ARHGAP10: variants seen among roughly 807,000 people sequenced by gnomAD.
The protein encoded by ARHGAP10 is rho GTPase-activating protein 10.
In ARHGAP10, 87 loss-of-function variants were observed where a neutral mutation model predicts 108.6. That is an observed-to-expected ratio of 0.80 (90% CI 0.67 to 0.96). ARHGAP10 has a LOEUF of 0.96. Among genes scored for constraint, ARHGAP10 ranks in the 40% least tolerant of loss-of-function variants. The probability of loss-of-function intolerance (pLI) is 0.00; values close to 1 mark genes in which losing one functional copy is unlikely to be tolerated. For missense variants in ARHGAP10, 939 were observed against 954.5 expected, an observed-to-expected ratio of 0.98 and a Z score of 0.21; for synonymous variants, 347 against 341.1, an observed-to-expected ratio of 1.02 and a Z score of -0.19.
At chr4:147,946,083 A>T (rs1162928572) in intron 14 of ARHGAP10, among the ~76,000 whole-genome samples, 2 of 152,104 alleles carry the variant, frequency 1.3e-5, no homozygotes, top group Non-Finnish European at 2.9e-5. Flanking sequence ...AAAAGACCGA[A>T]ATTTTTACCG....
chr4:147,918,133 A>ATTTTTTTTTTTTT (rs760617123), intron 13 of ARHGAP10, among the ~76,000 whole-genome samples: 1 of 129,998 alleles, frequency 7.7e-6, no homozygotes, highest in African/African-American at 3.2e-5. Context: ...TCTCATTAAG[A>ATTTTTTTTTTTTT]TTTTTTTTTT....
intron 18 of ARHGAP10, among the ~76,000 whole-genome samples, chr4:148,000,583 A>G (rs141746220): frequency 3.9e-5 from 6 of 152,270 alleles, no homozygotes; most frequent in African/African-American, 1.4e-4. Flanking sequence ...TCTCTGCAGC[A>G]CCTGTTGTTT....
At chr4:148,010,760 C>G (rs562923543) in intron 18 of ARHGAP10, among the ~76,000 whole-genome samples, 13 of 152,250 alleles carry the variant, frequency 8.5e-5, no homozygotes, top group African/African-American at 3.1e-4. Context: ...GAATTGAAGA[C>G]TATTGGGCTG....
At chr4:147,950,591 C>T (rs1738561864) in intron 15 of ARHGAP10, among the ~76,000 whole-genome samples, 1 of 152,136 alleles carries the variant, frequency 6.6e-6, no homozygotes, top group South Asian at 2.1e-4. Context: ...CAGCCAAAGC[C>T]CCAAAGCACC....
At chr4:147,772,329 A>T (rs1182953216) in intron 1 of ARHGAP10, among the ~76,000 whole-genome samples, 1 of 152,188 alleles carries the variant, frequency 6.6e-6, no homozygotes, top group Non-Finnish European at 1.5e-5. Flanking sequence ...TTGACACTTT[A>T]CATCACACAG....
intron 1 of ARHGAP10, among the ~76,000 whole-genome samples, chr4:147,811,913 AG>A (rs1732036150): frequency 6.6e-6 from 1 of 152,204 alleles, no homozygotes; most frequent in Non-Finnish European, 1.5e-5. Context: ...TTAAAAGTCA[AG>A]GGAGGGTGTA....
rs901492827 is a variant in ARHGAP10, at chr4:147,875,050, A to G, written c.732A>G (p.Ser244=). The G allele has an allele frequency of 1.9e-6, 3 of 1,605,562 alleles. No individual in the cohort carries two copies. Among genetic ancestry groups the G allele is most frequent in the Non-Finnish European group, 2.5e-6 (3 of 1,178,040 alleles). ...NTRNRFEGTR[S]EVEELMNKIR... The stretch of plus-strand genomic sequence containing the variant: ...GGAATCGATTTGAAGGAACAAGGTC[A>G]GAAGTGGAAGAGCTCATGAACAAAA... The change falls in exon 8 of 23, where the codon TCA becomes TCG. Residue 244 remains serine (S), a synonymous_variant. Coordinates refer to ENST00000336498, the MANE Select transcript of ARHGAP10 (RefSeq NM_024605.4).
In ARHGAP10 at chr4:147,892,566, C is replaced by G. The variant is rs553671569; in HGVS notation, c.1034+10634C>G. ...GGTCTAAGGTGCTGTGGGAGTTGAG[C>G]AGCATGGGGGAGTGTGGGGTTGGCT... On this transcript the variant is annotated intron_variant, in intron 10 of 22. Transcript: ENST00000336498. 3.3e-5 allele frequency among the ~76,000 whole-genome samples: 5 copies of G among 150,984 alleles called. No homozygotes were observed. In the East Asian group the frequency reaches 9.7e-4, roughly 29 times the overall value.
chr4:147,752,864 AT>A (rs1729218921), intron 1 of ARHGAP10, among the ~76,000 whole-genome samples: 1 of 152,132 alleles, frequency 6.6e-6, no homozygotes, highest in Non-Finnish European at 1.5e-5. Context: ...CTTTGATTAA[AT>A]TTGCTGCTTA....
At chr4:147,770,456 C>T (rs976190923) in intron 1 of ARHGAP10, among the ~76,000 whole-genome samples, 26 of 152,130 alleles carry the variant, frequency 1.7e-4, no homozygotes, top group Admixed American at 1.3e-3. Context: ...ACCCGGGAGG[C>T]GGAGATTGCA....
chr4:147,866,859 G>T, intron 7 of ARHGAP10, 43 bp downstream of exon 7: 2 of 1,478,596 alleles, frequency 1.4e-6, no homozygotes, highest in Non-Finnish European at 1.9e-6. Context: ...TGTTTGAAAA[G>T]TATTTTTCAT....
chr4:147,804,008 T>C (rs964423358), intron 1 of ARHGAP10, among the ~76,000 whole-genome samples: 13 of 152,004 alleles, frequency 8.6e-5, no homozygotes, highest in Non-Finnish European at 1.6e-4. Context: ...TTTTTTTTTT[T>C]TTCTTTCAGG....
intron 7 of ARHGAP10, among the ~76,000 whole-genome samples, chr4:147,870,353 G>A (rs1734765858): frequency 1.3e-5 from 2 of 152,178 alleles, no homozygotes; most frequent in African/African-American, 2.4e-5. Context: ...GAGCCACCGC[G>A]CCCGGCCGCA....
rs33957234 is a variant in ARHGAP10, at chr4:147,951,403, A to AT, written c.1392-3898dup. ...CCTTATTTAGGCTGTGGTATAGTTG[A>AT]TTTTTTTTTTTTTTTCATTTTCTTT... On this transcript the variant is annotated intron_variant, in intron 15 of 22. Coordinates refer to ENST00000336498, the MANE Select transcript of ARHGAP10 (RefSeq NM_024605.4). 3.1e-3 allele frequency among the ~76,000 whole-genome samples: 413 copies of AT among 133,788 alleles called. 2 individuals are homozygous for AT. Among genetic ancestry groups the AT allele is most frequent in the African/African-American group, 9.6e-3 (344 of 35,842 alleles). 87.8% of individuals were successfully genotyped at this position (133,788 alleles called of 152,430 possible).
chr4:147,995,780 G>A (rs973372516), intron 18 of ARHGAP10, among the ~76,000 whole-genome samples: 8 of 151,820 alleles, frequency 5.3e-5, no homozygotes, highest in African/African-American at 9.7e-5. Context: ...GCAGTGGCGC[G>A]ATCTCTGCTC....
intron 18 of ARHGAP10, among the ~76,000 whole-genome samples, chr4:148,021,157 C>G (rs530702608): frequency 6.6e-6 from 1 of 152,186 alleles, no homozygotes; most frequent in African/African-American, 2.4e-5. Flanking sequence ...TGGACCCAGC[C>G]CTGAGATTTG....
At position 147,732,280 on chromosome 4, in the gene ARHGAP10, C is replaced by A. The variant is rs758770820; in HGVS notation, c.-22C>A. The A allele has an allele frequency of 6.3e-7, 1 of 1,581,662 alleles. No homozygotes were observed. Among genetic ancestry groups the A allele is most frequent in the South Asian group, 1.1e-5 (1 of 87,270 alleles). ...GGGCAGGAGCGCGCGGCCGTGCGCACCGCGCAGCGACCGCTGCCGTCATGG... is the reference window on the plus strand; with the variant it reads ...GGGCAGGAGCGCGCGGCCGTGCGCAACGCGCAGCGACCGCTGCCGTCATGG... On this transcript the variant is annotated 5_prime_UTR_variant, in exon 1 of 23. Transcript: ENST00000336498.
At chr4:147,820,343 T>C (rs923696953) in intron 1 of ARHGAP10, among the ~76,000 whole-genome samples, 2 of 152,130 alleles carry the variant, frequency 1.3e-5, no homozygotes, top group African/African-American at 4.8e-5. Context: ...TGGAGTGCAG[T>C]GGTGTGATCC....
At chr4:147,815,884 C>A (rs1277755235) in intron 1 of ARHGAP10, among the ~76,000 whole-genome samples, 1 of 151,992 alleles carries the variant, frequency 6.6e-6, no homozygotes, top group Non-Finnish European at 1.5e-5. Flanking sequence ...TGATTTTAGC[C>A]CCATGAGACT....
Sources: gnomAD v4.1 joint callset for allele counts (sites outside exome capture counted in the v4.1 genomes callset) on GRCh38, gnomAD v4.1.1 for gene constraint, MANE v1.5 for transcripts, NCBI Gene and HGNC (gene_info 2026-07-23, HGNC 2026-07-21) for gene names.